Variants in IWS1 observed in about 807,000 individuals in gnomAD.
IWS1 encodes the protein protein IWS1 homolog.
Under a neutral mutation model 86.7 loss-of-function variants are expected in IWS1, and 27 were observed. That is an observed-to-expected ratio of 0.31 (90% CI 0.23 to 0.43). The LOEUF is 0.43. IWS1 is among the 20% of genes least tolerant of loss of function. IWS1 has a pLI of 1.00. For synonymous variants in IWS1, 313 were observed against 335.1 expected, an observed-to-expected ratio of 0.93 and a Z score of 0.72; for missense variants, 827 against 1,000.8, an observed-to-expected ratio of 0.83 and a Z score of 2.34.
intron 2 of IWS1, chr2:127,511,556 G>A (rs1691454080): frequency 6.6e-6 from 1 of 152,066 alleles, no homozygotes; most frequent in Non-Finnish European, 1.5e-5. Context: ...TATCCCCATG[G>A]CATCTTGTAC....
rs1354545695 is a variant in IWS1 at position 127,499,327 on chromosome 2, T to A, written c.1468-1090A>T. On this transcript the variant is annotated intron_variant, in intron 5 of 13. Coordinates refer to ENST00000295321, the MANE Select transcript of IWS1 (RefSeq NM_017969.3). This position sits in a 1 kb window ranked among gnomAD's most constrained non-coding sequence, Gnocchi z 4.0. Reference sequence around the variant, plus strand: ...GGATGGTCTCGATCTCCTGACCTTGTGAGCCGCCCACCTCGGCCTCCCAAA... The same window carrying A: ...GGATGGTCTCGATCTCCTGACCTTGAGAGCCGCCCACCTCGGCCTCCCAAA... 6.6e-6 allele frequency among the ~76,000 whole-genome samples: 1 copy of A among 152,262 alleles called. No individual in the cohort carries two copies. The highest frequency in any genetic ancestry group is 2.1e-4 in the South Asian group (1 of 4,820).
upstream of IWS1, chr2:127,526,764 C>A (rs1573583880): frequency 9.3e-7 from 1 of 1,077,148 alleles, no homozygotes; most frequent in Non-Finnish European, 1.3e-6. Context: ...AAAATGAAGA[C>A]CTGCTCAAAT....
chr2:127,520,194 T>C (rs1005165150), intron 2 of IWS1, among the ~76,000 whole-genome samples: 4 of 152,130 alleles, frequency 2.6e-5, no homozygotes, highest in African/African-American at 9.7e-5. Flanking sequence ...TTTTGAGACA[T>C]AGTCTCGCTC....
intron 9 of IWS1, among the ~76,000 whole-genome samples, chr2:127,492,601 G>A (rs1005307223): frequency 1.3e-5 from 2 of 151,340 alleles, no homozygotes; most frequent in Admixed American, 6.6e-5. Context: ...CTGAGTTGAA[G>A]TAAAACCTAA....
rs535206909 is a variant in IWS1, at chr2:127,507,646, C to T, written c.151-1894G>A. 7.9e-5 allele frequency among the ~76,000 whole-genome samples: 12 copies of T among 152,280 alleles called. No individual in the cohort carries two copies. In the South Asian group the frequency reaches 2.5e-3, roughly 32 times the overall value. The stretch of plus-strand genomic sequence containing the variant: ...CCACACTTCATAATTTAAAAGAATG[C>T]AGATGGAAAATTTAACTATCTAGAT... On this transcript the variant is annotated intron_variant, in intron 2 of 13. Coordinates refer to ENST00000295321, the MANE Select transcript of IWS1 (RefSeq NM_017969.3).
intron 13 of IWS1, among the ~76,000 whole-genome samples, chr2:127,486,217 A>G (rs1294092050): frequency 6.6e-6 from 1 of 152,136 alleles, no homozygotes; most frequent in Non-Finnish European, 1.5e-5. Context: ...TCTGTTTCTC[A>G]TGGTTATTAA....
At chr2:127,495,529 T>A (rs922773401) in intron 7 of IWS1, among the ~76,000 whole-genome samples, 5 of 152,228 alleles carry the variant, frequency 3.3e-5, no homozygotes, top group Non-Finnish European at 5.9e-5. Flanking sequence ...GATCATTGAA[T>A]CCATGCTGAA....
At chr2:127,515,617 A>C (rs1226120903) in intron 2 of IWS1, among the ~76,000 whole-genome samples, 1 of 152,228 alleles carries the variant, frequency 6.6e-6, no homozygotes, top group African/African-American at 2.4e-5. Context: ...GCATCACAGA[A>C]TGAGAAGCTC....
Position 127,499,455 on chromosome 2 carries a change from T to C in IWS1, c.1468-1218A>G, listed in dbSNP as rs1030696043. Among the ~76,000 whole-genome samples, 2 of 152,232 alleles carry C rather than the reference T, an allele frequency of 1.3e-5. No homozygotes were observed. The highest frequency in any genetic ancestry group is 6.5e-5 in the Admixed American group (1 of 15,286). On this transcript the variant is annotated intron_variant, in intron 5 of 13. Transcript: ENST00000295321. This position sits in a 1 kb window ranked among gnomAD's most constrained non-coding sequence, Gnocchi z 4.0. ...TTTATAGTGTCTACCTTTTGTGTTATACTTAGAGGCTTTCTCAATGGTTCA... is the reference window on the plus strand; with the variant it reads ...TTTATAGTGTCTACCTTTTGTGTTACACTTAGAGGCTTTCTCAATGGTTCA...
At chr2:127,523,603 T>C (rs1692228589) in intron 2 of IWS1, 73 bp downstream of exon 2, 1 of 946,858 alleles carries the variant, frequency 1.1e-6, no homozygotes, top group South Asian at 1.6e-5. Flanking sequence ...AGAGATTCTG[T>C]AACTCCTATA....
At chr2:127,506,924 T>C (rs976184233) in intron 2 of IWS1, among the ~76,000 whole-genome samples, 9 of 152,214 alleles carry the variant, frequency 5.9e-5, no homozygotes, top group Non-Finnish European at 1.0e-4. Flanking sequence ...TAGGATCCGG[T>C]GAATTTTTTC....
At chr2:127,495,902 T>C (rs1426959556) in intron 7 of IWS1, 96 bp downstream of exon 7, 5 of 1,076,744 alleles carry the variant, frequency 4.6e-6, no homozygotes, top group Non-Finnish European at 6.5e-6. Context: ...AAGCAAAGCA[T>C]CTTAATTGTA....
rs774974332 is a variant in IWS1 at position 127,480,957 on chromosome 2, A to G, written c.*87T>C. 26 of 1,434,252 alleles carry G rather than the reference A, an allele frequency of 1.8e-5. No individual in the cohort carries two copies. Among genetic ancestry groups the G allele is most frequent in the Non-Finnish European group, 2.5e-5 (26 of 1,058,322 alleles). The allele number at this position is 1,434,252 out of a possible 1,614,324, so 88.8% of individuals were successfully genotyped here. On this transcript the variant is annotated 3_prime_UTR_variant, in exon 14 of 14. Transcript: ENST00000295321. Reference sequence around the variant, plus strand: ...TACACGCTGAACCATTTACAGACACACTAAAAATGTTTTAAAATATCTTCT... The same window carrying G: ...TACACGCTGAACCATTTACAGACACGCTAAAAATGTTTTAAAATATCTTCT...
intron 13 of IWS1, among the ~76,000 whole-genome samples, chr2:127,484,975 C>T (rs173013): frequency 0.15 from 22,100 of 150,554 alleles, 2,874 homozygotes; most frequent in African/African-American, 0.34. Context: ...CCAACCTGGG[C>T]GACAGAGCAA....
chr2:127,518,992 T>C (rs970516962), intron 2 of IWS1, among the ~76,000 whole-genome samples: 1 of 152,234 alleles, frequency 6.6e-6, no homozygotes, highest in Non-Finnish European at 1.5e-5. Flanking sequence ...GGCTCAAATA[T>C]AGACCAACAC....
intron 12 of IWS1, among the ~76,000 whole-genome samples, chr2:127,487,767 G>A (rs934479692): frequency 2.6e-5 from 4 of 152,138 alleles, no homozygotes; most frequent in African/African-American, 9.7e-5. Context: ...AGCCAGGATG[G>A]TCTCAACCTC....
At chr2:127,520,068 C>T (rs927591348) in intron 2 of IWS1, among the ~76,000 whole-genome samples, 5 of 152,164 alleles carry the variant, frequency 3.3e-5, no homozygotes, top group African/African-American at 1.2e-4. Flanking sequence ...AATAATTTTT[C>T]GTTGTTTTAA....
intron 5 of IWS1, among the ~76,000 whole-genome samples, chr2:127,502,051 T>C (rs1205489393): frequency 6.6e-6 from 1 of 152,212 alleles, no homozygotes; most frequent in Non-Finnish European, 1.5e-5. Flanking sequence ...TCATTACTGT[T>C]ACCTTTTAAT....
chr2:127,482,266 G>C (rs979785579), intron 13 of IWS1: 1 of 152,172 alleles, frequency 6.6e-6, no homozygotes, highest in African/African-American at 2.4e-5. Flanking sequence ...CCCACCTGTG[G>C]ACCCAGCCTC....
Sources: allele counts gnomAD v4.1 joint callset (sites outside exome capture counted in the v4.1 genomes callset), GRCh38; gene constraint gnomAD v4.1.1; non-coding constraint Gnocchi (gnomAD v3.1); transcripts MANE v1.5; gene names NCBI Gene and HGNC (gene_info 2026-07-23, HGNC 2026-07-21).